The following PREPL variants were observed in gnomAD, a reference collection of about 807,000 sequenced individuals.
The protein encoded by PREPL is prolyl endopeptidase-like.
PREPL carries 77 observed loss-of-function variants against 70.6 expected under a neutral mutation model. That is an observed-to-expected ratio of 1.09 (90% CI 0.91 to 1.32). The LOEUF is 1.32. PREPL is among the 40% of genes most tolerant of loss of function. The pLI, the probability that PREPL is intolerant of heterozygous loss-of-function variation, is 0.00. For missense variants in PREPL, 1,002 were observed against 778.2 expected, an observed-to-expected ratio of 1.29 and a Z score of -3.42; for synonymous variants, 315 against 264.8, an observed-to-expected ratio of 1.19 and a Z score of -1.84.
rs567296835 is a variant in PREPL, at chr2:44,320,792, T to C, written c.*564A>G. On this transcript the variant is annotated 3_prime_UTR_variant, in exon 14 of 14. Coordinates refer to ENST00000409411, the MANE Select transcript of PREPL (RefSeq NM_001171613.2). ...AACTGCTTTAAGAAAGGTTCTCAAATGTTTTGAAAAAAATAAAATGTTTAA... is the reference window on the plus strand; with the variant it reads ...AACTGCTTTAAGAAAGGTTCTCAAACGTTTTGAAAAAAATAAAATGTTTAA... 34 of 689,714 alleles carry C rather than the reference T, an allele frequency of 4.9e-5. No individual in the cohort carries two copies. Among genetic ancestry groups the C allele is most frequent in the South Asian group, 3.8e-4 (22 of 58,314 alleles). The allele number at this position is 689,714 out of a possible 1,614,324, so 42.7% of individuals were successfully genotyped here. A position where few individuals can be genotyped will look rare whatever the true frequency, so the allele number is the denominator to read the frequency against.
chr2:44,348,794 CTG>C (rs1676093892), intron 1 of PREPL, among the ~76,000 whole-genome samples: 1 of 152,174 alleles, frequency 6.6e-6, no homozygotes, highest in Non-Finnish European at 1.5e-5. Flanking sequence ...CCCATGGAAA[CTG>C]AGGTTTTATA....
In PREPL at chr2:44,321,413, T is replaced by C. The variant is rs1276960405; in HGVS notation, c.1860A>G (p.Glu620=). The part of the protein sequence containing the change: ...ITAQIKFLYE[E]LGLDSTSVFE... The stretch of plus-strand genomic sequence containing the variant: ...AAACACTGGTGCTGTCAAGTCCAAG[T>C]TCCTCGTACAGGAATTTAATTTGGG... Residue 620 remains glutamate, a synonymous_variant, in exon 14 of 14, where the codon GAA becomes GAG. Transcript: ENST00000409411. The C allele has an allele frequency of 5.0e-6, 8 of 1,613,170 alleles. No homozygotes were observed. The East Asian group carries it at 1.8e-4, about 36-fold the overall frequency.
rs1308796801 is a variant in PREPL at position 44,318,218 on chromosome 2, G to A, written c.*3138C>T. On this transcript the variant is annotated 3_prime_UTR_variant, in exon 14 of 14. Transcript: ENST00000409411. Reference sequence around the variant, plus strand: ...TGATTCTCCTGCTGCAGCCTCCCAAGTAGCTGGGATTACAGGTGCACGTCA... The same window carrying A: ...TGATTCTCCTGCTGCAGCCTCCCAAATAGCTGGGATTACAGGTGCACGTCA... The A allele has an allele frequency of 7.9e-6, 3 of 380,340 alleles. No individual in the cohort carries two copies. In the Admixed American group the frequency reaches 1.0e-4, roughly 13 times the overall value. 23.6% of individuals were successfully genotyped at this position (380,340 alleles called of 1,614,324 possible). A position where few individuals can be genotyped will look rare whatever the true frequency, so the allele number is the denominator to read the frequency against.
At chr2:44,338,624 A>G (rs1674886206) in intron 6 of PREPL, 88 bp from the exon 7 acceptor site, 2 of 1,011,058 alleles carry the variant, frequency 2.0e-6, no homozygotes, top group East Asian at 2.4e-5. Context: ...ACTAGACCAT[A>G]CTAGTCCTCA....
rs780183426 is a variant in PREPL, at chr2:44,320,175, G to C, written c.*1181C>G. On this transcript the variant is annotated 3_prime_UTR_variant, in exon 14 of 14. Coordinates refer to ENST00000409411, the MANE Select transcript of PREPL (RefSeq NM_001171613.2). The stretch of plus-strand genomic sequence containing the variant: ...ACAATTCTTAGAATCAAACACTTAC[G>C]TAAATACTTTTTTAAAAAAATAGGT... 3 of 1,573,914 alleles carry C rather than the reference G, an allele frequency of 1.9e-6. No individual in the cohort carries two copies. The South Asian group carries it at 3.3e-5, about 18-fold the overall frequency.
Position 44,346,465 on chromosome 2 carries a change from G to T in PREPL, c.-48-75C>A, listed in dbSNP as rs1434957772. On this transcript the variant is annotated intron_variant, in intron 1 of 13. Coordinates refer to ENST00000409411, the MANE Select transcript of PREPL (RefSeq NM_001171613.2). ...ACTTTTGCTTTTTAAAGATAAGTAG[G>T]TCTATACCGTAGACTTAACGTTGTA... The T allele has an allele frequency of 4.5e-6, 6 of 1,339,170 alleles. No homozygotes were observed. The African/African-American group carries it at 7.3e-5, about 16-fold the overall frequency. 83.0% of individuals were successfully genotyped at this position (1,339,170 alleles called of 1,614,324 possible).
In PREPL at chr2:44,319,953, T is replaced by A. The variant is rs558017646; in HGVS notation, c.*1403A>T. ...TCAAATTTGATCTCTACAGAAACTCTACAATGTAGCAGAGCACTGTGCGTA... is the reference window on the plus strand; with the variant it reads ...TCAAATTTGATCTCTACAGAAACTCAACAATGTAGCAGAGCACTGTGCGTA... On this transcript the variant is annotated 3_prime_UTR_variant, in exon 14 of 14. Coordinates refer to ENST00000409411, the MANE Select transcript of PREPL (RefSeq NM_001171613.2). 289 of 483,788 alleles carry A rather than the reference T, an allele frequency of 6.0e-4. 1 individual carries two copies. The highest frequency in any genetic ancestry group is 3.8e-4 in the Admixed American group (11 of 28,642). The allele number at this position is 483,788 out of a possible 1,614,324, so 30.0% of individuals were successfully genotyped here. A position where few individuals can be genotyped will look rare whatever the true frequency, so the allele number is the denominator to read the frequency against.
At chr2:44,337,152 T>C (rs1162725475) in intron 7 of PREPL, among the ~76,000 whole-genome samples, 3 of 152,194 alleles carry the variant, frequency 2.0e-5, no homozygotes, top group Non-Finnish European at 4.4e-5. Flanking sequence ...AACAGTTTCC[T>C]GAACATTTTC....
intron 10 of PREPL, among the ~76,000 whole-genome samples, chr2:44,326,241 G>C (rs1180875666): frequency 2.0e-5 from 3 of 152,152 alleles, no homozygotes; most frequent in African/African-American, 7.2e-5. Flanking sequence ...AAAGAACACT[G>C]TATCAGAGAA....
rs151116193 is a variant in PREPL, at chr2:44,322,842, T to C, written c.1642A>G (p.Ile548Val). Residue 548 changes from isoleucine to valine, a missense_variant, in exon 12 of 14, where the codon ATT becomes GTT. Coordinates refer to ENST00000409411, the MANE Select transcript of PREPL (RefSeq NM_001171613.2). ...TCGTTTTCATATGCCGTTATGTGAA[T>C]TGAAGGATAATGCTGAAAGAAAATA... ...QNIKPQHYPS[I>V]HITAYENDER... 2.4e-5 allele frequency: 38 copies of C among 1,613,672 alleles called. No individual in the cohort carries two copies. The highest frequency in any genetic ancestry group is 1.6e-4 in the African/African-American group (12 of 75,018).
At chr2:44,328,730 T>C (rs928271962) in intron 9 of PREPL, among the ~76,000 whole-genome samples, 1 of 152,210 alleles carries the variant, frequency 6.6e-6, no homozygotes, top group Admixed American at 6.5e-5. Flanking sequence ...GGTACCTCTA[T>C]GCAAAAATCC....
Position 44,320,811 on chromosome 2 carries a change from T to C in PREPL, c.*545A>G. 2 of 647,488 alleles carry C rather than the reference T, an allele frequency of 3.1e-6. No individual in the cohort carries two copies. The highest frequency in any genetic ancestry group is 1.9e-5 in the South Asian group (1 of 53,696). 40.1% of individuals were successfully genotyped at this position (647,488 alleles called of 1,614,324 possible). On this transcript the variant is annotated 3_prime_UTR_variant, in exon 14 of 14. Coordinates refer to ENST00000409411, the MANE Select transcript of PREPL (RefSeq NM_001171613.2). ...CTCAAATGTTTTGAAAAAAATAAAA[T>C]GTTTAAAAGTAAATTATGGCTTATA...
At chr2:44,349,957 T>C (rs1033863222) in intron 1 of PREPL, among the ~76,000 whole-genome samples, 18 of 152,168 alleles carry the variant, frequency 1.2e-4, no homozygotes, top group Admixed American at 1.0e-3. Context: ...GCTAACTAAA[T>C]GTCCCCTTCT....
At chr2:44,360,929 C>A (rs781032220) in intron 1 of PREPL, among the ~76,000 whole-genome samples, 6 of 152,268 alleles carry the variant, frequency 3.9e-5, no homozygotes, top group Non-Finnish European at 8.8e-5. Flanking sequence ...ATCAGATGCG[C>A]TACGACGCCC....
At position 44,322,717 on chromosome 2, in the gene PREPL, A is replaced by AG. The variant is rs750536957; in HGVS notation, c.1753+13dup. 465 of 1,610,530 alleles carry AG rather than the reference A, an allele frequency of 2.9e-4. 1 individual carries two copies. The highest frequency in any genetic ancestry group is 3.6e-4 in the Non-Finnish European group (422 of 1,178,450). On this transcript the variant is annotated intron_variant, in intron 12 of 13. Coordinates refer to ENST00000409411, the MANE Select transcript of PREPL (RefSeq NM_001171613.2). ...CTGTTTGGCCATGTTCCCTGCTTCT[A>AG]GGGGGTCTCCTACCTTCACCTGTGT...
chr2:44,321,871 T>C lies in PREPL; in HGVS notation c.1783A>G (p.Ile595Val). ...ATTACATGATTGCCTCCAGGCTGAA[T>C]ATCTAGAATAATATTAGGGGTCTGA... ...GYQTPNIILDIQPGGNHVIED... is the reference protein window; with the variant it reads ...GYQTPNIILDVQPGGNHVIED... Residue 595 changes from isoleucine (I) to valine (V), a missense_variant, in exon 13 of 14, where the codon ATT (isoleucine) becomes GTT (valine). Ile to Val is a conservative substitution (Grantham distance 29). Transcript: ENST00000409411. 1.9e-6 allele frequency: 3 copies of C among 1,613,666 alleles called. No homozygotes were observed. The highest frequency in any genetic ancestry group is 2.5e-6 in the Non-Finnish European group (3 of 1,179,640).
chr2:44,330,498 A>G (rs1044005047), intron 8 of PREPL, among the ~76,000 whole-genome samples: 7 of 152,116 alleles, frequency 4.6e-5, no homozygotes, highest in Non-Finnish European at 8.8e-5. Context: ...GTGGGTAACA[A>G]TGATTATTTC....
chr2:44,320,047 T>C lies in PREPL; in HGVS notation c.*1309A>G, dbSNP rs1672791815. The stretch of plus-strand genomic sequence containing the variant: ...CTATCAGTTTTTATATAAATTGTTC[T>C]TACCTACTTATTGATGCTTACAATT... On this transcript the variant is annotated 3_prime_UTR_variant, in exon 14 of 14. Transcript: ENST00000409411. 1 of 640,196 alleles carries C rather than the reference T, an allele frequency of 1.6e-6. No individual in the cohort carries two copies. 39.7% of individuals were successfully genotyped at this position (640,196 alleles called of 1,614,324 possible). A position where few individuals can be genotyped will look rare whatever the true frequency, so the allele number is the denominator to read the frequency against.
intron 1 of PREPL, among the ~76,000 whole-genome samples, chr2:44,352,199 T>C (rs1676517203): frequency 6.6e-6 from 1 of 152,208 alleles, no homozygotes; most frequent in African/African-American, 2.4e-5. Flanking sequence ...TCCCCGTCTT[T>C]TTTTTCTTTT....
Sources: allele counts gnomAD v4.1 joint callset (sites outside exome capture counted in the v4.1 genomes callset), GRCh38; gene constraint gnomAD v4.1.1; transcripts MANE v1.5; gene names NCBI Gene and HGNC (gene_info 2026-07-23, HGNC 2026-07-21).